Variants in SECISBP2L observed in about 807,000 individuals in gnomAD.
SECISBP2L encodes the protein SECIS binding protein 2 like.
A neutral mutation model predicts 114.7 loss-of-function variants in SECISBP2L; 43 were observed. The observed-to-expected ratio is 0.38, with a 90% confidence interval of 0.29 to 0.48. The LOEUF (loss-of-function observed/expected upper bound fraction) is 0.48, where lower values mean the gene tolerates loss of function less well. SECISBP2L is among the 20% of genes least tolerant of loss of function. SECISBP2L has a pLI of 0.98. For synonymous variants in SECISBP2L, 451 were observed against 439.7 expected (o/e 1.03, Z -0.32); for missense variants, 1,136 against 1,301.1 (o/e 0.87, Z 1.95).
chr15:49,000,390 C>T (rs369337470), intron 15 of SECISBP2L, among the ~76,000 whole-genome samples: 7 of 152,174 alleles, frequency 4.6e-5, no homozygotes. Flanking sequence ...TGATATTCCT[C>T]GCCATGCATA....
intron 17 of SECISBP2L, among the ~76,000 whole-genome samples, chr15:48,993,746 T>C (rs372918588): frequency 2.0e-5 from 3 of 152,102 alleles, no homozygotes; most frequent in South Asian, 4.2e-4. Context: ...AAAAGTATTA[T>C]ATACTACAGT....
Position 49,022,311 on chromosome 15 carries a change from C to T in SECISBP2L, c.1036-2759G>A, listed in dbSNP as rs183475654. 3.3e-5 allele frequency among the ~76,000 whole-genome samples: 5 copies of T among 152,204 alleles called. No individual in the cohort carries two copies. The East Asian group carries it at 7.7e-4, about 24-fold the overall frequency. ...ACCACTTCTAAAGAACACAAAAAAA[C>T]GATTCAAGCCAGGTGCGGTGGCTCA... On this transcript the variant is annotated intron_variant, in intron 7 of 17. Coordinates refer to ENST00000559471, the MANE Select transcript of SECISBP2L (RefSeq NM_001193489.2).
chr15:49,037,772 T>G lies in SECISBP2L; in HGVS notation c.25-3A>C. The G allele has an allele frequency of 6.3e-7, 1 of 1,592,514 alleles. No homozygotes were observed. ...ACCTCAGCTGACAGCTTGACATTCT[T>G]CAAAGAGAAAGTAGAATACATTAAT... On this transcript the variant is annotated splice_region_variant and splice_polypyrimidine_tract_variant and intron_variant, in intron 1 of 17. Transcript: ENST00000559471.
chr15:49,042,842 C>A (rs1045410052), intron 1 of SECISBP2L, among the ~76,000 whole-genome samples: 1 of 152,070 alleles, frequency 6.6e-6, no homozygotes, highest in African/African-American at 2.4e-5. Flanking sequence ...CCAGCCTGGA[C>A]AACATGGTGA....
chr15:49,017,644 T>C lies in SECISBP2L; in HGVS notation c.1171-16A>G, dbSNP rs941602588. On this transcript the variant is annotated splice_polypyrimidine_tract_variant and intron_variant, in intron 8 of 17. Transcript: ENST00000559471. ...CATCTTCATCCTGAAATGTTTCACA[T>C]TTTAAGTAAAAAGAGTTCAAGGCAA... is the stretch of plus-strand genomic sequence containing the variant. 1.3e-6 allele frequency: 2 copies of C among 1,589,186 alleles called. No individual in the cohort carries two copies. Among genetic ancestry groups the C allele is most frequent in the Admixed American group, 1.8e-5 (1 of 56,992 alleles).
At chr15:49,026,242 G>A (rs1303008091) in intron 7 of SECISBP2L, among the ~76,000 whole-genome samples, 4 of 152,088 alleles carry the variant, frequency 2.6e-5, no homozygotes, top group Non-Finnish European at 5.9e-5. Context: ...AGAGGGATAG[G>A]GAAAGGTTGG....
intron 16 of SECISBP2L, 32 bp downstream of exon 16, chr15:48,999,801 A>C: frequency 6.3e-7 from 1 of 1,598,652 alleles, no homozygotes; most frequent in Non-Finnish European, 8.6e-7. Context: ...GATGTGCTGG[A>C]GAGCAAGAGT....
At chr15:48,997,765 A>G (rs1422782904) in intron 16 of SECISBP2L, among the ~76,000 whole-genome samples, 1 of 152,192 alleles carries the variant, frequency 6.6e-6, no homozygotes. Context: ...GCTACTCGGG[A>G]GGCTGAGGCA....
chr15:49,020,399 C>G (rs1200544245), intron 7 of SECISBP2L, among the ~76,000 whole-genome samples: 1 of 151,570 alleles, frequency 6.6e-6, no homozygotes, highest in South Asian at 2.1e-4. Flanking sequence ...TTTGTAGAGA[C>G]AGGGGTCTCG....
intron 17 of SECISBP2L, among the ~76,000 whole-genome samples, chr15:48,994,318 T>C (rs954058423): frequency 6.6e-6 from 1 of 152,210 alleles, no homozygotes; most frequent in African/African-American, 2.4e-5. Flanking sequence ...ACTACTCCCT[T>C]AGCTCAGGCC....
chr15:49,044,659 A>C (rs1448587811), intron 1 of SECISBP2L, among the ~76,000 whole-genome samples: 1 of 152,158 alleles, frequency 6.6e-6, no homozygotes, highest in Admixed American at 6.5e-5. Context: ...TTTTTTTCCT[A>C]GTTCTTAAAT....
At chr15:49,020,917 T>G (rs1372938209) in intron 7 of SECISBP2L, among the ~76,000 whole-genome samples, 1 of 152,182 alleles carries the variant, frequency 6.6e-6, no homozygotes, top group African/African-American at 2.4e-5. Flanking sequence ...TTCCAAGATT[T>G]AAGAGAATAA....
rs765919399 is a variant in SECISBP2L at position 49,011,819 on chromosome 15, C to T, written c.1776G>A (p.Val592=). The T allele has an allele frequency of 6.2e-7, 1 of 1,614,072 alleles. No individual in the cohort carries two copies. Among genetic ancestry groups the T allele is most frequent in the Non-Finnish European group, 8.5e-7 (1 of 1,179,986 alleles). Residue 592 remains valine, a synonymous_variant, in exon 13 of 18, where the codon GTG becomes GTA. Coordinates refer to ENST00000559471, the MANE Select transcript of SECISBP2L (RefSeq NM_001193489.2). ...CCTCGGATCCCAAAAGATTGTGGTC[C>T]ACAGTTAAGCGCCCCTTCTTTTCCT... ...EREEKKGRLT[V]DHNLLGSEEP...
At chr15:49,045,828 T>C (rs1413214463) in intron 1 of SECISBP2L, among the ~76,000 whole-genome samples, 1 of 152,052 alleles carries the variant, frequency 6.6e-6, no homozygotes, top group Non-Finnish European at 1.5e-5. Flanking sequence ...AACACAGACC[T>C]AAAAGGCCCG....
At chr15:49,031,047 T>C (rs1252243084) in intron 4 of SECISBP2L, among the ~76,000 whole-genome samples, 1 of 126,394 alleles carries the variant, frequency 7.9e-6, no homozygotes, top group African/African-American at 3.3e-5. Context: ...CTTTTTTTTT[T>C]TTTTTTTTTT....
At chr15:49,002,313 T>C (rs1436680081) in intron 14 of SECISBP2L, among the ~76,000 whole-genome samples, 1 of 152,244 alleles carries the variant, frequency 6.6e-6, no homozygotes, top group Non-Finnish European at 1.5e-5. Flanking sequence ...TTTTTTCTTA[T>C]AAATTTGTTT....
chr15:49,041,736 C>T (rs1595798548), intron 1 of SECISBP2L, among the ~76,000 whole-genome samples: 1 of 152,260 alleles, frequency 6.6e-6, no homozygotes, highest in East Asian at 1.9e-4. Context: ...CACACACCCA[C>T]AGAAAAAATA....
In SECISBP2L at chr15:49,035,359, C is replaced by A; in HGVS notation, c.503G>T (p.Ser168Ile). ...TTTTGGGACCACTGATCCTCTGTTA[C>A]TGTTTCTGCTTCGATGGCTGGACAA... ...FPLSSHRSRN[S>I]NRGSVVPKQQ... Residue 168 changes from serine to isoleucine, a missense_variant, in exon 3 of 18, where the codon AGT becomes ATT. By Grantham distance (142) the Ser-to-Ile change is moderately radical. Around this residue, in one of 2 missense-constraint regions of SECISBP2L, gnomAD observed 452 missense variants for 452.3 expected, o/e 1.00. Transcript: ENST00000559471. The A allele has an allele frequency of 6.2e-7, 1 of 1,614,138 alleles. No individual in the cohort carries two copies. Among genetic ancestry groups the A allele is most frequent in the East Asian group, 2.2e-5 (1 of 44,886 alleles).
rs979222911 is a variant in SECISBP2L at position 48,990,604 on chromosome 15, A to G, written c.*1640T>C. The G allele has an allele frequency of 1.3e-5, 2 of 152,552 alleles. No homozygotes were observed. Among genetic ancestry groups the G allele is most frequent in the Non-Finnish European group, 2.9e-5 (2 of 68,022 alleles). 9.4% of individuals were successfully genotyped at this position (152,552 alleles called of 1,614,324 possible). ...TTTCACAATTCACAAATACTAAATCATCAACCAAGAATCCAATCTCTCCAG... is the reference window on the plus strand; with the variant it reads ...TTTCACAATTCACAAATACTAAATCGTCAACCAAGAATCCAATCTCTCCAG... On this transcript the variant is annotated 3_prime_UTR_variant, in exon 18 of 18. Transcript: ENST00000559471.
Sources: allele counts gnomAD v4.1 joint callset (sites outside exome capture counted in the v4.1 genomes callset), GRCh38; gene constraint gnomAD v4.1.1; regional missense constraint gnomAD v4.1.1; transcripts MANE v1.5; gene names NCBI Gene and HGNC (gene_info 2026-07-23, HGNC 2026-07-21).